The following DNAJC1 variants were observed in gnomAD, a reference collection of about 807,000 sequenced individuals.
DNAJC1 encodes DnaJ heat shock protein family (Hsp40) member C1.
Under a neutral mutation model 76.6 loss-of-function variants are expected in DNAJC1, and 58 were observed. The observed-to-expected ratio is 0.76, with a 90% CI of 0.61 to 0.94. The LOEUF (loss-of-function observed/expected upper bound fraction) is 0.94. Ranked by LOEUF, DNAJC1 falls within the 40% of genes least tolerant of loss-of-function variation. DNAJC1 has a pLI of 0.00. For missense variants in DNAJC1, 689 were observed against 677.3 expected, an observed-to-expected ratio of 1.02 and a Z score of -0.19; for synonymous variants, 258 against 267.9, an observed-to-expected ratio of 0.96 and a Z score of 0.36.
At chr10:21,845,437 C>G (rs972477202) in intron 8 of DNAJC1, among the ~76,000 whole-genome samples, 8 of 149,610 alleles carry the variant, frequency 5.3e-5, no homozygotes, top group African/African-American at 2.0e-4. Context: ...TCACTGCAAC[C>G]TCCGCCTCCA....
chr10:22,002,941 C>A (rs1838545774), intron 1 of DNAJC1, among the ~76,000 whole-genome samples: 1 of 152,040 alleles, frequency 6.6e-6, no homozygotes, highest in African/African-American at 2.4e-5. Flanking sequence ...CCCAGAACGC[C>A]GGAGCAGAGA....
At chr10:21,864,578 C>T (rs930960688) in intron 8 of DNAJC1, among the ~76,000 whole-genome samples, 1 of 150,902 alleles carries the variant, frequency 6.6e-6, no homozygotes, top group Non-Finnish European at 1.5e-5. Flanking sequence ...ACCGATATCA[C>T]GCCACTGCAC....
chr10:21,945,977 G>C (rs1486927394), intron 1 of DNAJC1, among the ~76,000 whole-genome samples: 2 of 150,268 alleles, frequency 1.3e-5, no homozygotes, highest in Non-Finnish European at 3.0e-5. Context: ...TTAGTAATTT[G>C]AGAAGTGATA....
intron 8 of DNAJC1, among the ~76,000 whole-genome samples, chr10:21,837,263 C>G (rs961667451): frequency 6.6e-6 from 1 of 152,128 alleles, no homozygotes; most frequent in Non-Finnish European, 1.5e-5. Context: ...GCTCGCTACA[C>G]CCTCCACCTC....
chr10:21,819,174 C>T (rs757966725), intron 8 of DNAJC1, among the ~76,000 whole-genome samples: 20 of 152,146 alleles, frequency 1.3e-4, no homozygotes, highest in Non-Finnish European at 2.8e-4. Flanking sequence ...GAGGCCAAGG[C>T]AGGTGATCAC....
chr10:21,979,188 C>T (rs936155969), intron 1 of DNAJC1, among the ~76,000 whole-genome samples: 1 of 151,626 alleles, frequency 6.6e-6, no homozygotes, highest in Non-Finnish European at 1.5e-5. Flanking sequence ...ATTAGACGTG[C>T]CTTCTATTAA....
intron 1 of DNAJC1, among the ~76,000 whole-genome samples, chr10:21,981,380 A>C (rs1325008927): frequency 6.6e-6 from 1 of 152,190 alleles, no homozygotes; most frequent in East Asian, 1.9e-4. Flanking sequence ...TCTATTAAAA[A>C]TTTGCCATGG....
intron 9 of DNAJC1, among the ~76,000 whole-genome samples, chr10:21,798,650 G>C (rs930540125): frequency 6.6e-6 from 1 of 152,034 alleles, no homozygotes; most frequent in African/African-American, 2.4e-5. Flanking sequence ...ACTTTCCTCA[G>C]AACCCTATTT....
intron 8 of DNAJC1, among the ~76,000 whole-genome samples, chr10:21,809,123 A>G (rs764600990): frequency 6.6e-6 from 1 of 152,020 alleles, no homozygotes; most frequent in Non-Finnish European, 1.5e-5. Context: ...AAAATCCTCT[A>G]TATTCTTGGG....
chr10:21,852,131 ACACG>A (rs1362017429), intron 8 of DNAJC1, among the ~76,000 whole-genome samples: 1 of 135,838 alleles, frequency 7.4e-6, no homozygotes, highest in Non-Finnish European at 1.6e-5. Context: ...ACACACACAC[ACACG>A]GAATATTATT....
At chr10:21,781,418 A>T (rs1163165335) in intron 9 of DNAJC1, among the ~76,000 whole-genome samples, 1 of 152,120 alleles carries the variant, frequency 6.6e-6, no homozygotes, top group Non-Finnish European at 1.5e-5. Context: ...TCAAACTAGA[A>T]CTCAGGATTA....
chr10:21,785,333 T>G (rs548978454), intron 9 of DNAJC1: 1 of 152,324 alleles, frequency 6.6e-6, no homozygotes, highest in Non-Finnish European at 1.5e-5. Flanking sequence ...CTCTACTAAT[T>G]TGCAAGGATT....
intron 8 of DNAJC1, among the ~76,000 whole-genome samples, chr10:21,863,374 C>T (rs1835947663): frequency 1.3e-5 from 2 of 151,978 alleles, no homozygotes. Context: ...ACAATTCATG[C>T]CAGCACACTC....
At chr10:21,946,273 C>T (rs1731862021) in intron 1 of DNAJC1, among the ~76,000 whole-genome samples, 1 of 151,716 alleles carries the variant, frequency 6.6e-6, no homozygotes, top group Non-Finnish European at 1.5e-5. Context: ...ATCTCCTGAC[C>T]TCGTGATCTG....
chr10:21,895,430 G>T (rs564783478), intron 7 of DNAJC1, among the ~76,000 whole-genome samples: 1 of 152,318 alleles, frequency 6.6e-6, no homozygotes, highest in African/African-American at 2.4e-5. Context: ...TTTGTGGAAG[G>T]CAGAACTTAA....
intron 9 of DNAJC1, among the ~76,000 whole-genome samples, chr10:21,778,286 G>A (rs898749609): frequency 1.3e-5 from 2 of 152,178 alleles, no homozygotes; most frequent in Non-Finnish European, 2.9e-5. Context: ...ACTGGAGTCA[G>A]AACACCTAAG....
chr10:21,765,996 C>T (rs920578887), intron 10 of DNAJC1, among the ~76,000 whole-genome samples: 4 of 152,158 alleles, frequency 2.6e-5, no homozygotes, highest in South Asian at 2.1e-4. Flanking sequence ...CTCCTGTGTT[C>T]CCCGTCCCCA....
intron 8 of DNAJC1, among the ~76,000 whole-genome samples, chr10:21,819,333 A>G (rs963414118): frequency 1.3e-5 from 2 of 152,078 alleles, no homozygotes; most frequent in African/African-American, 4.8e-5. Flanking sequence ...CCCAGGAGGC[A>G]GAGGTTGCAG....
At chr10:21,835,233 C>CCAGCAAACTCCAACAGACCTG (rs1835430870) in intron 8 of DNAJC1, among the ~76,000 whole-genome samples, 1 of 152,194 alleles carries the variant, frequency 6.6e-6, no homozygotes. Flanking sequence ...GAGTGGACCT[C>CCAGCAAACTCCAACAGACCTG]CAGCAAACTC....
Sources: gnomAD v4.1 joint callset for allele counts (sites outside exome capture counted in the v4.1 genomes callset) on GRCh38, gnomAD v4.1.1 for gene constraint, MANE v1.5 for transcripts, NCBI Gene and HGNC (gene_info 2026-07-23, HGNC 2026-07-21) for gene names.